CCPG1: variants seen among roughly 807,000 people sequenced by gnomAD.
CCPG1 encodes the protein cell cycle progression 1, also known as cell cycle progression protein 1.
CCPG1 carries 46 observed loss-of-function variants against 81.3 expected under a neutral mutation model. The observed-to-expected ratio is 0.57, with a 90% CI of 0.45 to 0.72. The LOEUF is 0.72. Among genes scored for constraint, CCPG1 ranks in the 30% least tolerant of loss-of-function variants. The pLI, the probability that CCPG1 is intolerant of heterozygous loss-of-function variation, is 0.00. For synonymous variants in CCPG1, 330 were observed against 305.2 expected (o/e 1.08, Z -0.85); for missense variants, 902 against 937.6 (o/e 0.96, Z 0.50).
chr15:55,372,868 T>C (rs1179962501), intron 5 of CCPG1: 1 of 498,360 alleles, frequency 2.0e-6, no homozygotes, highest in African/African-American at 2.0e-5. Context: ...GTCTCTAGTT[T>C]CATTTCCAAC....
intron 3 of CCPG1, among the ~76,000 whole-genome samples, chr15:55,378,921 C>T (rs534531374): frequency 6.6e-6 from 1 of 152,094 alleles, no homozygotes; most frequent in Admixed American, 6.5e-5. Flanking sequence ...GAACTCAAAG[C>T]TACCTTGACT....
At chr15:55,391,254 A>G (rs4553564) in intron 1 of CCPG1, among the ~76,000 whole-genome samples, 149,664 of 152,308 alleles carry the variant, frequency 0.98, 73,581 homozygotes, top group East Asian at 1. Flanking sequence ...CCATAAGTAG[A>G]TGGGCATGTG....
intron 1 of CCPG1, among the ~76,000 whole-genome samples, chr15:55,400,711 C>T (rs1353204550): frequency 6.6e-6 from 1 of 152,180 alleles, no homozygotes; most frequent in African/African-American, 2.4e-5. Flanking sequence ...AATTTCCGCT[C>T]ATCTCATGAG....
In CCPG1 at chr15:55,397,986, A is replaced by AAAAG. The variant is rs1555410348; in HGVS notation, c.-9-8554_-9-8553insCTTT. Among the ~76,000 whole-genome samples, 268 of 151,612 alleles carry AAAAG rather than the reference A, an allele frequency of 1.8e-3. 7 individuals are homozygous for AAAAG. The East Asian group carries it at 0.023, about 13-fold the overall frequency. ...AACAAGACTCCATCTCAAGAAAAAAAAAGAAGAAGAAAAGGAAACCAGCAA... is the reference window on the plus strand; with the variant it reads ...AACAAGACTCCATCTCAAGAAAAAAAAAAGAAGAAGAAGAAAAGGAAACCAGCAA... On this transcript the variant is annotated intron_variant, in intron 1 of 8. Transcript: ENST00000442196.
At position 55,379,643 on chromosome 15, in the gene CCPG1, G is replaced by A. The variant is rs536702216; in HGVS notation, c.176-1267C>T. Among the ~76,000 whole-genome samples, 5 of 152,142 alleles carry A rather than the reference G, an allele frequency of 3.3e-5. No individual in the cohort carries two copies. The South Asian group carries it at 8.3e-4, about 25-fold the overall frequency. On this transcript the variant is annotated intron_variant, in intron 3 of 8. Transcript: ENST00000442196. ...AGCCAGGAGTTCAAAACCAGCCTAG[G>A]CAACATAGCGAGACCAGTTCTACCA...
chr15:55,385,774 A>T, intron 2 of CCPG1, 60 bp from the exon 3 acceptor site: 1 of 849,610 alleles, frequency 1.2e-6, no homozygotes. Flanking sequence ...GCTAGATTTG[A>T]CTACATGTAA....
chr15:55,389,992 C>T (rs1262759169), intron 1 of CCPG1, among the ~76,000 whole-genome samples: 1 of 152,212 alleles, frequency 6.6e-6, no homozygotes, highest in African/African-American at 2.4e-5. Context: ...GGCACGATCT[C>T]GACTTGCTGC....
At chr15:55,392,336 CG>C (rs1205086815) in intron 1 of CCPG1, among the ~76,000 whole-genome samples, 2 of 150,924 alleles carry the variant, frequency 1.3e-5, no homozygotes, top group Non-Finnish European at 3.0e-5. Context: ...CTCAGCCTCC[CG>C]AGTAGCGGGG....
Position 55,391,224 on chromosome 15 carries a change from T to C in CCPG1, c.-9-1791A>G, listed in dbSNP as rs144518279. Among the ~76,000 whole-genome samples the C allele has an allele frequency of 6.6e-5, 10 of 152,230 alleles. No homozygotes were observed. In the South Asian group the frequency reaches 1.9e-3, roughly 28 times the overall value. On this transcript the variant is annotated intron_variant, in intron 1 of 8. Coordinates refer to ENST00000442196, the MANE Select transcript of CCPG1 (RefSeq NM_001204450.2). ...CACAACCCTGACCTCCCAAGCTCAATCGATCCTCCTGCCTCAGCCCCATAA... is the reference window on the plus strand; with the variant it reads ...CACAACCCTGACCTCCCAAGCTCAACCGATCCTCCTGCCTCAGCCCCATAA...
At chr15:55,399,012 A>G (rs983201286) in intron 1 of CCPG1, among the ~76,000 whole-genome samples, 2 of 152,206 alleles carry the variant, frequency 1.3e-5, no homozygotes, top group Non-Finnish European at 2.9e-5. Flanking sequence ...ACTGTGTGCC[A>G]TGAACTCTTC....
chr15:55,355,467 A>G lies in CCPG1; in HGVS notation c.*753T>C. The G allele has an allele frequency of 1.3e-6, 2 of 1,557,872 alleles. No homozygotes were observed. Among genetic ancestry groups the G allele is most frequent in the Non-Finnish European group, 1.8e-6 (2 of 1,139,136 alleles). On this transcript the variant is annotated 3_prime_UTR_variant, in exon 9 of 9. Coordinates refer to ENST00000442196, the MANE Select transcript of CCPG1 (RefSeq NM_001204450.2). ...GATAAATTAACATTGCTGGGTGGAA[A>G]TATTCAGATGCTGCTTAAATACTTC...
intron 1 of CCPG1, among the ~76,000 whole-genome samples, chr15:55,390,796 A>C (rs1024198872): frequency 3.3e-5 from 5 of 152,238 alleles, no homozygotes; most frequent in Admixed American, 1.3e-4. Context: ...ATAGTATAAA[A>C]ATTAACATGT....
chr15:55,389,725 C>G (rs968292773), intron 1 of CCPG1, among the ~76,000 whole-genome samples: 1 of 152,092 alleles, frequency 6.6e-6, no homozygotes, highest in Non-Finnish European at 1.5e-5. Flanking sequence ...TTTGGCCAGA[C>G]AGAGGTGAAG....
intron 1 of CCPG1, among the ~76,000 whole-genome samples, chr15:55,405,275 C>T (rs2057196553): frequency 3.9e-5 from 6 of 151,920 alleles, no homozygotes. Context: ...GGCGGGAGAA[C>T]CACTTGAAAC....
chr15:55,370,562 GGGTGGATCACCTTA>G (rs1242159754), intron 6 of CCPG1, among the ~76,000 whole-genome samples: 1 of 152,086 alleles, frequency 6.6e-6, no homozygotes, highest in African/African-American at 2.4e-5. Flanking sequence ...AGGCTGAGTG[GGGTGGATCACCTTA>G]GGTCAAGAGT....
chr15:55,375,950 A>G (rs184100557), intron 5 of CCPG1, among the ~76,000 whole-genome samples: 87 of 152,306 alleles, frequency 5.7e-4, no homozygotes, highest in Non-Finnish European at 4.4e-4. Context: ...TCAGCTTTAC[A>G]AAGTGCTGGA....
rs761093439 is a variant in CCPG1 at position 55,359,902 on chromosome 15, G to A, written c.1871C>T (p.Ser624Phe). ...PGHDCRENSH[S>F]FRKACSGVFD... ...TACACCAGAACAAGCCTTTCTGAAA[G>A]AATGAGAATTTTCTCTACAATCATG... The change falls in exon 8 of 9, where the codon TCT (serine) becomes TTT (phenylalanine). Residue 624 changes from serine (S) to phenylalanine (F), a missense_variant. This residue lies in a region of CCPG1 where 746 missense variants were observed against 728.6 expected (regional missense o/e 1.02). Coordinates refer to ENST00000442196, the MANE Select transcript of CCPG1 (RefSeq NM_001204450.2). 2 of 1,613,602 alleles carry A rather than the reference G, an allele frequency of 1.2e-6. No homozygotes were observed. The highest frequency in any genetic ancestry group is 2.2e-5 in the East Asian group (1 of 44,868).
At chr15:55,385,464 A>G (rs1175989302) in intron 3 of CCPG1, 136 bp downstream of exon 3, 1 of 543,258 alleles carries the variant, frequency 1.8e-6, no homozygotes, top group African/African-American at 2.0e-5. Flanking sequence ...ACTGTGCCCA[A>G]CCTACACTGA....
At chr15:55,359,302 A>T (rs1187479374) in intron 8 of CCPG1, 2 of 1,201,410 alleles carry the variant, frequency 1.7e-6, no homozygotes, top group African/African-American at 3.1e-5. Flanking sequence ...GATTTTTAAG[A>T]TAAAAATTAA....
Sources: allele counts gnomAD v4.1 joint callset (sites outside exome capture counted in the v4.1 genomes callset), GRCh38; gene constraint gnomAD v4.1.1; regional missense constraint gnomAD v4.1.1; transcripts MANE v1.5; gene names NCBI Gene and HGNC (gene_info 2026-07-23, HGNC 2026-07-21).